Variants in CNTN4 observed in about 807,000 individuals in gnomAD.
The protein encoded by CNTN4 is contactin-4.
In CNTN4, 77 loss-of-function variants were observed where a neutral mutation model predicts 122.5. That is an observed-to-expected ratio of 0.63 (90% CI 0.52 to 0.76). The LOEUF (loss-of-function observed/expected upper bound fraction) is 0.76, where lower values mean the gene tolerates loss of function less well. CNTN4 is among the 30% of genes least tolerant of loss of function. The pLI, the probability that CNTN4 is intolerant of heterozygous loss-of-function variation, is 0.00. For missense variants in CNTN4, 1,256 were observed against 1,259.1 expected, an observed-to-expected ratio of 1.00 and a Z score of 0.04; for synonymous variants, 512 against 447.0, an observed-to-expected ratio of 1.15 and a Z score of -1.83.
chr3:3,054,024 C>T, intron 24 of CNTN4, 49 bp downstream of exon 24: 1 of 1,588,166 alleles, frequency 6.3e-7, no homozygotes, highest in Non-Finnish European at 8.6e-7. Flanking sequence ...CTTATCTTAT[C>T]AGCCTTCCAG....
rs556775340 is a variant in CNTN4, at chr3:2,980,590, C to T, written c.1359-7755C>T. Among the ~76,000 whole-genome samples the T allele has an allele frequency of 8.5e-5, 13 of 152,228 alleles. No individual in the cohort carries two copies. The South Asian group carries it at 2.7e-3, about 32-fold the overall frequency. On this transcript the variant is annotated intron_variant, in intron 13 of 24. Coordinates refer to ENST00000418658, the MANE Select transcript of CNTN4 (RefSeq NM_175607.3). ...AAACATGAAAATAAAGCTATTAAAG[C>T]GGCGCTGTTGTCTGAGGTAATACCC...
intron 14 of CNTN4, among the ~76,000 whole-genome samples, chr3:3,022,582 A>G (rs1698395469): frequency 6.6e-6 from 1 of 152,192 alleles, no homozygotes; most frequent in South Asian, 2.1e-4. Flanking sequence ...CTAATTGTGG[A>G]TCTGATTATT....
At chr3:2,647,108 C>T (rs935661812) in intron 4 of CNTN4, among the ~76,000 whole-genome samples, 20 of 152,070 alleles carry the variant, frequency 1.3e-4, no homozygotes, top group African/African-American at 4.1e-4. Context: ...AGGCCAGGCA[C>T]GGTGGCTCAC....
chr3:2,726,028 C>T (rs1304447894), intron 4 of CNTN4, among the ~76,000 whole-genome samples: 3 of 152,188 alleles, frequency 2.0e-5, no homozygotes, highest in Non-Finnish European at 2.9e-5. Flanking sequence ...AGGGATAAAG[C>T]TTGCTTGGGA....
intron 2 of CNTN4, among the ~76,000 whole-genome samples, chr3:2,255,796 A>G (rs138031495): frequency 8.5e-4 from 130 of 152,340 alleles, no homozygotes; most frequent in African/African-American, 2.9e-3. Context: ...AGCAATGTTT[A>G]GAGGGAAATC....
At position 2,194,106 on chromosome 3, in the gene CNTN4, T is replaced by A. The variant is rs115573249; in HGVS notation, c.-145+93467T>A. Among the ~76,000 whole-genome samples, 1,414 of 152,220 alleles carry A rather than the reference T, an allele frequency of 9.3e-3. 24 individuals carry two copies. Among genetic ancestry groups the A allele is most frequent in the African/African-American group, 0.032 (1,320 of 41,520 alleles). ...GAGGAAATACTGAAATATCTAGATA[T>A]AAGGTTCATCATCATGTTGTCTGTC... On this transcript the variant is annotated intron_variant, in intron 2 of 24. Coordinates refer to ENST00000418658, the MANE Select transcript of CNTN4 (RefSeq NM_175607.3).
intron 3 of CNTN4, among the ~76,000 whole-genome samples, chr3:2,435,086 C>G (rs1022084553): frequency 6.6e-6 from 1 of 152,098 alleles, no homozygotes; most frequent in African/African-American, 2.4e-5. Context: ...TCATTTAAGT[C>G]AAAGAGCTTA....
At position 2,593,842 on chromosome 3, in the gene CNTN4, C is replaced by G. The variant is rs368991580; in HGVS notation, c.55+22284C>G. 6.6e-5 allele frequency among the ~76,000 whole-genome samples: 10 copies of G among 152,270 alleles called. No homozygotes were observed. The East Asian group carries it at 7.7e-4, about 12-fold the overall frequency. Reference sequence around the variant, plus strand: ...GCTATGTCATCATTACCATCACCATCTGAAGTCGTCAAATATATTGCATTT... The same window carrying G: ...GCTATGTCATCATTACCATCACCATGTGAAGTCGTCAAATATATTGCATTT... On this transcript the variant is annotated intron_variant, in intron 4 of 24. Coordinates refer to ENST00000418658, the MANE Select transcript of CNTN4 (RefSeq NM_175607.3).
intron 12 of CNTN4, among the ~76,000 whole-genome samples, chr3:2,921,046 C>G (rs879651105): frequency 2.6e-5 from 4 of 152,126 alleles, no homozygotes; most frequent in Non-Finnish European, 5.9e-5. Flanking sequence ...AGAGCACTGA[C>G]TTGTTTTTTA....
chr3:2,593,241 T>C (rs371891050), intron 4 of CNTN4, among the ~76,000 whole-genome samples: 110 of 152,378 alleles, frequency 7.2e-4, no homozygotes, highest in African/African-American at 2.5e-3. Flanking sequence ...GGTTGTTGAC[T>C]GGCTAATAGC....
chr3:2,547,774 A>G (rs935118397), intron 3 of CNTN4, among the ~76,000 whole-genome samples: 3 of 152,136 alleles, frequency 2.0e-5, no homozygotes, highest in African/African-American at 7.2e-5. Context: ...CCATGAAACA[A>G]AGTGAATTTT....
At position 2,763,398 on chromosome 3, in the gene CNTN4, A is replaced by G. The variant is rs1358072363; in HGVS notation, c.358+17701A>G. 3.3e-5 allele frequency among the ~76,000 whole-genome samples: 5 copies of G among 152,322 alleles called. No homozygotes were observed. The East Asian group carries it at 9.6e-4, about 29-fold the overall frequency. ...TAGATATTAGACCTTAATCAGATAC[A>G]TAGTTTGCGAAGACTTTCTCCCATT... On this transcript the variant is annotated intron_variant, in intron 6 of 24. Transcript: ENST00000418658.
intron 4 of CNTN4, among the ~76,000 whole-genome samples, chr3:2,719,508 G>A (rs537472787): frequency 1.1e-4 from 17 of 152,020 alleles, no homozygotes; most frequent in Non-Finnish European, 2.4e-4. Context: ...GGCTGATCTC[G>A]AATTTCTGAC....
At chr3:2,157,682 C>T (rs1223897328) in intron 2 of CNTN4, among the ~76,000 whole-genome samples, 1 of 152,110 alleles carries the variant, frequency 6.6e-6, no homozygotes, top group African/African-American at 2.4e-5. Flanking sequence ...TAAAACAATA[C>T]TGGCCTAGAG....
intron 2 of CNTN4, among the ~76,000 whole-genome samples, chr3:2,287,712 GA>G (rs2041980287): frequency 1.0e-4 from 5 of 50,126 alleles, no homozygotes; most frequent in Non-Finnish European, 2.1e-4. Flanking sequence ...AGAAGAAGAG[GA>G]AGAAGAAGAA....
chr3:3,035,641 C>T (rs919104346), intron 17 of CNTN4, among the ~76,000 whole-genome samples: 2 of 152,268 alleles, frequency 1.3e-5, no homozygotes, highest in South Asian at 2.1e-4. Flanking sequence ...ACTGCAGCCT[C>T]GACCTCCTGG....
At chr3:2,871,856 TA>T (rs2093788254) in intron 8 of CNTN4, among the ~76,000 whole-genome samples, 1 of 152,226 alleles carries the variant, frequency 6.6e-6, no homozygotes, top group Non-Finnish European at 1.5e-5. Context: ...CTGGGACACA[TA>T]AAAATATGAG....
chr3:2,552,050 G>A (rs896397651), intron 3 of CNTN4, among the ~76,000 whole-genome samples: 5 of 152,058 alleles, frequency 3.3e-5, no homozygotes, highest in Non-Finnish European at 5.9e-5. Flanking sequence ...CTCTGTTAAG[G>A]AAAATAATTT....
intron 4 of CNTN4, among the ~76,000 whole-genome samples, chr3:2,587,281 C>A (rs2080245262): frequency 6.6e-6 from 1 of 152,054 alleles, no homozygotes; most frequent in Admixed American, 6.5e-5. Flanking sequence ...CTTTTCTGAG[C>A]AAAAGAGTAA....
Sources: allele counts gnomAD v4.1 joint callset (sites outside exome capture counted in the v4.1 genomes callset), GRCh38; gene constraint gnomAD v4.1.1; transcripts MANE v1.5; gene names NCBI Gene and HGNC (gene_info 2026-07-23, HGNC 2026-07-21).